The following GUCY1A2 variants were observed in gnomAD, a reference collection of about 807,000 sequenced individuals.
GUCY1A2 encodes the protein guanylate cyclase 1 soluble subunit alpha 2, also known as guanylate cyclase soluble subunit alpha-2.
A neutral mutation model predicts 63.5 loss-of-function variants in GUCY1A2; 27 were observed. That is an observed-to-expected ratio of 0.43 (90% CI 0.31 to 0.59). The LOEUF is 0.59. GUCY1A2 is among the 20% of genes least tolerant of loss of function. The pLI is 0.11. For missense variants in GUCY1A2, 768 were observed against 913.3 expected (o/e 0.84, Z 2.05); for synonymous variants, 364 against 343.5 (o/e 1.06, Z -0.66).
chr11:106,696,842 A>T (rs1862728529), intron 7 of GUCY1A2, among the ~76,000 whole-genome samples: 1 of 152,164 alleles, frequency 6.6e-6, no homozygotes, highest in Non-Finnish European at 1.5e-5. Context: ...AGAAACTAAG[A>T]GAGGAGAAGA....
At chr11:106,910,817 T>C (rs558041186) in intron 4 of GUCY1A2, among the ~76,000 whole-genome samples, 105 of 152,094 alleles carry the variant, frequency 6.9e-4, no homozygotes, top group Non-Finnish European at 1.2e-3. Context: ...ACTTCAACTT[T>C]GCTTGTGCTA....
intron 4 of GUCY1A2, among the ~76,000 whole-genome samples, chr11:106,845,098 T>C (rs1184675411): frequency 6.6e-6 from 1 of 151,672 alleles, no homozygotes; most frequent in Non-Finnish European, 1.5e-5. Context: ...TACCTGTTCT[T>C]CAAAAATTTC....
At chr11:106,894,216 C>A (rs1379140151) in intron 4 of GUCY1A2, among the ~76,000 whole-genome samples, 1 of 152,092 alleles carries the variant, frequency 6.6e-6, no homozygotes, top group African/African-American at 2.4e-5. Flanking sequence ...AGGGTCATTA[C>A]ATAATGATAA....
intron 1 of GUCY1A2, among the ~76,000 whole-genome samples, chr11:106,990,244 G>T (rs1345778508): frequency 2.0e-5 from 3 of 152,198 alleles, no homozygotes; most frequent in Non-Finnish European, 4.4e-5. Context: ...TGGGTACCAA[G>T]AGAGGGTACC....
At chr11:106,913,986 C>CAAAAAAA (rs11325847) in intron 4 of GUCY1A2, among the ~76,000 whole-genome samples, 51 of 71,218 alleles carry the variant, frequency 7.2e-4, no homozygotes, top group South Asian at 1.6e-3. Flanking sequence ...AATGAAAAAG[C>CAAAAAAA]AAAAAAAAAA....
At chr11:106,833,672 C>G (rs905821541) in intron 4 of GUCY1A2, among the ~76,000 whole-genome samples, 1 of 152,062 alleles carries the variant, frequency 6.6e-6, no homozygotes, top group African/African-American at 2.4e-5. Context: ...CATGTAGGCA[C>G]TCTATAGATA....
chr11:106,886,474 C>T (rs549844470), intron 4 of GUCY1A2, among the ~76,000 whole-genome samples: 26 of 152,188 alleles, frequency 1.7e-4, no homozygotes, highest in South Asian at 1.2e-3. Context: ...TCTTCAGTGA[C>T]TCATGCACAA....
intron 1 of GUCY1A2, among the ~76,000 whole-genome samples, chr11:106,993,290 C>T (rs1325964193): frequency 6.6e-6 from 1 of 152,148 alleles, no homozygotes. Context: ...TGTCAAATTC[C>T]ACAACTTAAT....
chr11:106,980,626 G>T (rs578182404), intron 2 of GUCY1A2, among the ~76,000 whole-genome samples: 1 of 152,214 alleles, frequency 6.6e-6, no homozygotes, highest in Admixed American at 6.5e-5. Context: ...AATTTAAATT[G>T]GTCTAGAGTG....
Position 106,680,174 on chromosome 11 carries a change from G to T in GUCY1A2, c.*7375C>A, listed in dbSNP as rs1862409270. The T allele has an allele frequency of 4.7e-6, 1 of 213,864 alleles. No homozygotes were observed. The allele number at this position is 213,864 out of a possible 1,614,324, so 13.2% of individuals were successfully genotyped here. On this transcript the variant is annotated 3_prime_UTR_variant, in exon 8 of 8. Coordinates refer to ENST00000526355, the MANE Select transcript of GUCY1A2 (RefSeq NM_000855.3). ...CCATTTGTCCCTTTGTCCTGAGTCT[G>T]CTGTGTAAATGCCAGGCAGCAGAAT... is the stretch of plus-strand genomic sequence containing the variant.
chr11:106,698,119 A>ATTTTTTTTTTTTTT (rs71470827), intron 7 of GUCY1A2, among the ~76,000 whole-genome samples: 2,527 of 100,296 alleles, frequency 0.025, 297 homozygotes, highest in Middle Eastern at 0.037. Flanking sequence ...GAATGTTAGA[A>ATTTTTTTTTTTTTT]TTTTTTTTTT....
At chr11:106,946,893 T>C (rs900359962) in intron 3 of GUCY1A2, among the ~76,000 whole-genome samples, 4 of 152,128 alleles carry the variant, frequency 2.6e-5, no homozygotes, top group African/African-American at 9.7e-5. Flanking sequence ...AAGCATTATA[T>C]AGTTTCAAAA....
rs1860962722 is a variant in GUCY1A2, at chr11:106,954,968, G to A, written c.488-14790C>T. 2.0e-5 allele frequency among the ~76,000 whole-genome samples: 3 copies of A among 147,066 alleles called. No individual in the cohort carries two copies. The South Asian group carries it at 6.8e-4, about 33-fold the overall frequency. ...TCTTGACTCCTTATTCAATTTGCCAGTCTGTGTCTTTTTTTTTTCTTTTTT... is the reference window on the plus strand; with the variant it reads ...TCTTGACTCCTTATTCAATTTGCCAATCTGTGTCTTTTTTTTTTCTTTTTT... On this transcript the variant is annotated intron_variant, in intron 3 of 7. Transcript: ENST00000526355.
intron 5 of GUCY1A2, among the ~76,000 whole-genome samples, chr11:106,787,028 G>A (rs960090630): frequency 1.3e-5 from 2 of 152,102 alleles, no homozygotes; most frequent in African/African-American, 2.4e-5. Context: ...TGTCACAAAA[G>A]TAAATCCTGT....
intron 4 of GUCY1A2, among the ~76,000 whole-genome samples, chr11:106,861,715 AT>A (rs776437568): frequency 6.6e-6 from 1 of 152,012 alleles, no homozygotes; most frequent in Admixed American, 6.6e-5. Context: ...TGGTAATGCA[AT>A]TTTTTCTTGA....
In GUCY1A2 at chr11:106,896,452, C is replaced by A. The variant is rs548535207; in HGVS notation, c.1206+43008G>T. Among the ~76,000 whole-genome samples the A allele has an allele frequency of 2.5e-4, 38 of 152,178 alleles. No individual in the cohort carries two copies. The South Asian group carries it at 7.7e-3, about 31-fold the overall frequency. ...CTCCTTTTAAATATTGTACTGAAGTCCTAGCTAATAAAATAATAAAGGGAA... is the reference window on the plus strand; with the variant it reads ...CTCCTTTTAAATATTGTACTGAAGTACTAGCTAATAAAATAATAAAGGGAA... On this transcript the variant is annotated intron_variant, in intron 4 of 7. Coordinates refer to ENST00000526355, the MANE Select transcript of GUCY1A2 (RefSeq NM_000855.3).
At chr11:106,834,772 G>A (rs574236311) in intron 4 of GUCY1A2, among the ~76,000 whole-genome samples, 11 of 152,130 alleles carry the variant, frequency 7.2e-5, no homozygotes, top group Non-Finnish European at 1.6e-4. Context: ...ACTTAAGATA[G>A]GATAGCTTGA....
At chr11:106,722,571 TC>T in intron 6 of GUCY1A2, among the ~76,000 whole-genome samples, 1 of 152,176 alleles carries the variant, frequency 6.6e-6, no homozygotes, top group East Asian at 1.9e-4. Flanking sequence ...CTAGAATATG[TC>T]ACTTGATTTA....
intron 1 of GUCY1A2, among the ~76,000 whole-genome samples, chr11:107,008,321 GA>G (rs1414472481): frequency 6.6e-6 from 1 of 150,942 alleles, no homozygotes; most frequent in African/African-American, 2.4e-5. Flanking sequence ...TACCCAAAGT[GA>G]GAGGCAATTT....
Sources: allele counts gnomAD v4.1 joint callset (sites outside exome capture counted in the v4.1 genomes callset), GRCh38; gene constraint gnomAD v4.1.1; transcripts MANE v1.5; gene names NCBI Gene and HGNC (gene_info 2026-07-23, HGNC 2026-07-21).